The following PTPRD variants were observed in gnomAD, a reference collection of about 807,000 sequenced individuals.
PTPRD encodes receptor-type tyrosine-protein phosphatase delta.
A neutral mutation model predicts 214.5 loss-of-function variants in PTPRD; 34 were observed. The ratio of observed to expected loss-of-function variants is 0.16; its 90% CI spans 0.12 to 0.21. The LOEUF is 0.21. PTPRD is among the 10% of genes least tolerant of loss of function. The pLI is 1.00. For synonymous variants in PTPRD, 1,128 were observed against 845.7 expected (o/e 1.33, Z -5.79); for missense variants, 2,545 against 2,398.7 (o/e 1.06, Z -1.27).
chr9:10,256,425 C>T (rs192380389), intron 3 of PTPRD, among the ~76,000 whole-genome samples: 139 of 150,708 alleles, frequency 9.2e-4, no homozygotes, highest in Non-Finnish European at 1.4e-3. Context: ...TAGGAGTACA[C>T]TCTAACATAA....
At chr9:9,522,157 C>CAAAAA (rs770450649) in intron 8 of PTPRD, among the ~76,000 whole-genome samples, 7 of 40,400 alleles carry the variant, frequency 1.7e-4, no homozygotes, top group Non-Finnish European at 2.7e-4. Flanking sequence ...ATCTCCATCT[C>CAAAAA]AAAAAAAAAA....
intron 7 of PTPRD, among the ~76,000 whole-genome samples, chr9:9,650,781 GA>G (rs1183568670): frequency 2.0e-5 from 3 of 148,476 alleles, no homozygotes; most frequent in Admixed American, 1.3e-4. Context: ...ACTTGAAAGT[GA>G]AAAAAAAATC....
rs892178858 is a variant in PTPRD at position 8,484,425 on chromosome 9, C to A, written c.3154-47G>T. ...AAAAAAAATCTGGTTATCAGAGAGG[C>A]AAAATATATTTTCTAAACCAATGTG... On this transcript the variant is annotated intron_variant, in intron 29 of 45. Coordinates refer to ENST00000381196, the MANE Select transcript of PTPRD (RefSeq NM_002839.4). 8 of 1,557,812 alleles carry A rather than the reference C, an allele frequency of 5.1e-6. No individual in the cohort carries two copies. In the African/African-American group the frequency reaches 9.6e-5, roughly 19 times the overall value.
intron 7 of PTPRD, among the ~76,000 whole-genome samples, chr9:9,666,956 T>C (rs1343526367): frequency 6.6e-6 from 1 of 152,058 alleles, no homozygotes; most frequent in Non-Finnish European, 1.5e-5. Context: ...TGATGAGTGT[T>C]TTTTGTAACA....
intron 12 of PTPRD, among the ~76,000 whole-genome samples, chr9:8,665,496 T>C (rs951839504): frequency 6.6e-6 from 1 of 152,212 alleles, no homozygotes; most frequent in African/African-American, 2.4e-5. Context: ...GGAGGACAGC[T>C]TACCTGAATT....
chr9:10,524,418 C>G (rs1215377977), intron 2 of PTPRD, among the ~76,000 whole-genome samples: 2 of 151,946 alleles, frequency 1.3e-5, no homozygotes, highest in Non-Finnish European at 2.9e-5. Flanking sequence ...CTGAAACATA[C>G]ACACGCTAAC....
At chr9:9,826,158 T>A (rs2052754430) in intron 5 of PTPRD, among the ~76,000 whole-genome samples, 1 of 151,794 alleles carries the variant, frequency 6.6e-6, no homozygotes, top group East Asian at 1.9e-4. Flanking sequence ...TTTTTACGTC[T>A]TTCTACACTT....
intron 11 of PTPRD, among the ~76,000 whole-genome samples, chr9:8,903,921 G>A (rs1412230319): frequency 6.6e-6 from 1 of 152,178 alleles, no homozygotes; most frequent in Non-Finnish European, 1.5e-5. Context: ...AATGGCTCAA[G>A]GCAGTGTCTC....
intron 30 of PTPRD, among the ~76,000 whole-genome samples, chr9:8,474,983 C>T (rs1230889902): frequency 1.3e-5 from 2 of 152,150 alleles, no homozygotes; most frequent in African/African-American, 4.8e-5. Context: ...TTGATCCCAT[C>T]ACTTAGGTTT....
chr9:9,502,936 G>A (rs186703633), intron 8 of PTPRD, among the ~76,000 whole-genome samples: 138 of 151,964 alleles, frequency 9.1e-4, no homozygotes, highest in Middle Eastern at 3.4e-3. Flanking sequence ...TAGATTGACT[G>A]CAAAGGAGTT....
intron 3 of PTPRD, among the ~76,000 whole-genome samples, chr9:10,330,080 A>G (rs530032026): frequency 6.6e-6 from 1 of 151,824 alleles, no homozygotes; most frequent in East Asian, 1.9e-4. Flanking sequence ...TTTTTATTTC[A>G]TCTATGTTTC....
chr9:8,422,240 T>A (rs2094418855), intron 35 of PTPRD, among the ~76,000 whole-genome samples: 1 of 147,828 alleles, frequency 6.8e-6, no homozygotes, highest in South Asian at 2.2e-4. Context: ...ATAAAATATA[T>A]CACACAAGTT....
intron 7 of PTPRD, among the ~76,000 whole-genome samples, chr9:9,624,521 C>G (rs1359334262): frequency 1.3e-5 from 2 of 152,080 alleles, no homozygotes; most frequent in Non-Finnish European, 2.9e-5. Flanking sequence ...CCCCCAACCT[C>G]AGGTGATCTG....
At chr9:9,693,396 C>G (rs1339838803) in intron 7 of PTPRD, among the ~76,000 whole-genome samples, 1 of 152,132 alleles carries the variant, frequency 6.6e-6, no homozygotes, top group East Asian at 1.9e-4. Flanking sequence ...CACTCTCTCA[C>G]CTGCTGCCAT....
rs757922864 is a variant in PTPRD, at chr9:8,504,401, C to T, written c.1682G>A (p.Arg561Gln). The change falls in exon 23 of 46, where the codon CGA (arginine) becomes CAA (glutamine). Residue 561 changes from arginine (R) to glutamine (Q), a missense_variant. By Grantham distance (43) the Arg-to-Gln change is conservative. Transcript: ENST00000381196. ...TGATGTCCCTGGCTCAATGGTAATT[C>T]GTTGCTGGAAGCAATAAGAGAATGT... The part of the protein sequence containing the change: ...YKDGEHGEEQ[R>Q]ITIEPGTSYR... 19 of 1,613,872 alleles carry T rather than the reference C, an allele frequency of 1.2e-5. No homozygotes were observed. The highest frequency in any genetic ancestry group is 1.4e-5 in the Non-Finnish European group (17 of 1,179,966).
intron 3 of PTPRD, among the ~76,000 whole-genome samples, chr9:10,074,882 G>A (rs2098107085): frequency 1.3e-5 from 2 of 152,118 alleles, no homozygotes; most frequent in Non-Finnish European, 2.9e-5. Flanking sequence ...TGGAAGCATT[G>A]CTTCCCTAAA....
At chr9:10,068,463 C>T (rs186133773) in intron 3 of PTPRD, among the ~76,000 whole-genome samples, 290 of 152,004 alleles carry the variant, frequency 1.9e-3, no homozygotes, top group African/African-American at 6.6e-3. Context: ...GATTGGTCTG[C>T]TACACATTCC....
At chr9:8,807,498 C>T (rs988875327) in intron 11 of PTPRD, among the ~76,000 whole-genome samples, 3 of 151,984 alleles carry the variant, frequency 2.0e-5, no homozygotes, top group Non-Finnish European at 4.4e-5. Flanking sequence ...ACAAACAAAG[C>T]AACTACACAT....
intron 11 of PTPRD, among the ~76,000 whole-genome samples, chr9:8,951,112 T>C (rs893580471): frequency 1.3e-5 from 2 of 150,906 alleles, no homozygotes; most frequent in African/African-American, 4.9e-5. Context: ...TATGTGGTTG[T>C]GTTAAGGCAT....
Sources: gnomAD v4.1 joint callset for allele counts (sites outside exome capture counted in the v4.1 genomes callset) on GRCh38, gnomAD v4.1.1 for gene constraint, MANE v1.5 for transcripts, NCBI Gene and HGNC (gene_info 2026-07-23, HGNC 2026-07-21) for gene names.